Variants in PTPRT observed in about 807,000 individuals in gnomAD.
PTPRT encodes the protein receptor-type tyrosine-protein phosphatase T.
PTPRT carries 56 observed loss-of-function variants against 176.8 expected under a neutral mutation model. The ratio of observed to expected loss-of-function variants is 0.32; its 90% confidence interval spans 0.26 to 0.40. The LOEUF is 0.40. PTPRT is among the 10% of genes least tolerant of loss of function. The probability of loss-of-function intolerance (pLI) is 1.00; values close to 1 mark genes in which losing one functional copy is unlikely to be tolerated. For synonymous variants in PTPRT, 783 were observed against 739.0 expected, an observed-to-expected ratio of 1.06 and a Z score of -0.96; for missense variants, 1,540 against 1,908.2, an observed-to-expected ratio of 0.81 and a Z score of 3.60.
intron 13 of PTPRT, among the ~76,000 whole-genome samples, chr20:42,274,730 GACTA>G (rs957793864): frequency 2.2e-4 from 33 of 152,144 alleles, no homozygotes; most frequent in Admixed American, 2.1e-3. Context: ...CAACCCTGAA[GACTA>G]ACTAATTTTT....
intron 7 of PTPRT, among the ~76,000 whole-genome samples, chr20:42,493,147 C>A (rs2071591313): frequency 6.6e-6 from 1 of 152,160 alleles, no homozygotes; most frequent in South Asian, 2.1e-4. Flanking sequence ...TTGCTGGTGT[C>A]ACATTTACCT....
chr20:42,809,661 G>A (rs562655445), intron 2 of PTPRT, among the ~76,000 whole-genome samples: 188 of 152,260 alleles, frequency 1.2e-3, no homozygotes, highest in Non-Finnish European at 2.2e-3. Context: ...CTTGCAGCCC[G>A]TGGTGGTGTC....
intron 1 of PTPRT, among the ~76,000 whole-genome samples, chr20:43,086,803 G>A (rs183502140): frequency 6.6e-6 from 1 of 152,178 alleles, no homozygotes; most frequent in Admixed American, 6.5e-5. Context: ...CCGGGGGCTG[G>A]GAGGGAAGAA....
chr20:42,463,743 T>C (rs1189028383), intron 8 of PTPRT, among the ~76,000 whole-genome samples: 3 of 152,156 alleles, frequency 2.0e-5, no homozygotes, highest in Non-Finnish European at 4.4e-5. Context: ...CAACAGGAGT[T>C]TCCCTTGATA....
chr20:43,084,472 T>C (rs1418824007), intron 1 of PTPRT, among the ~76,000 whole-genome samples: 1 of 152,130 alleles, frequency 6.6e-6, no homozygotes, highest in Non-Finnish European at 1.5e-5. Flanking sequence ...CCAAACACTT[T>C]TAAAGCATCA....
At chr20:42,162,605 C>T (rs916456902) in intron 16 of PTPRT, among the ~76,000 whole-genome samples, 5 of 152,184 alleles carry the variant, frequency 3.3e-5, no homozygotes, top group African/African-American at 1.2e-4. Context: ...ATGCCCCAGA[C>T]CATCTTGTTT....
downstream of PTPRT, among the ~76,000 whole-genome samples, chr20:42,067,891 A>G (rs186054355): frequency 2.0e-3 from 305 of 152,244 alleles, 1 homozygote; most frequent in African/African-American, 7.1e-3. Flanking sequence ...ACCTTAAACG[A>G]AATTTTTTTT....
chr20:42,592,611 A>G (rs1457593211), intron 7 of PTPRT, among the ~76,000 whole-genome samples: 2 of 152,190 alleles, frequency 1.3e-5, no homozygotes, highest in Non-Finnish European at 2.9e-5. Flanking sequence ...AGAACAAGGT[A>G]GAGAAAAAAA....
chr20:42,213,033 T>C (rs978740794), intron 15 of PTPRT, among the ~76,000 whole-genome samples: 3 of 152,168 alleles, frequency 2.0e-5, no homozygotes, highest in Non-Finnish European at 4.4e-5. Context: ...CAGGTGATTA[T>C]AGTGTGCCAC....
rs75702253 is a variant in PTPRT at position 42,469,125 on chromosome 20, A to G, written c.1450+3141T>C. On this transcript the variant is annotated intron_variant, in intron 8 of 30. Coordinates refer to ENST00000373187, the MANE Select transcript of PTPRT (RefSeq NM_007050.6). ...ATTCACCACAAATATAGTACCTTATAACATGCTGGGTATTAGTCCAATTTC... is the reference window on the plus strand; with the variant it reads ...ATTCACCACAAATATAGTACCTTATGACATGCTGGGTATTAGTCCAATTTC... 8.0e-3 allele frequency among the ~76,000 whole-genome samples: 1,221 copies of G among 152,168 alleles called. 11 individuals carry two copies. The highest frequency in any genetic ancestry group is 0.014 in the Middle Eastern group (4 of 294).
intron 15 of PTPRT, among the ~76,000 whole-genome samples, chr20:42,224,008 A>G (rs2055946599): frequency 1.3e-5 from 2 of 152,220 alleles, no homozygotes; most frequent in South Asian, 4.1e-4. Context: ...CCATTCTTCC[A>G]CTTAAAAAAC....
chr20:42,370,616 C>A (rs2058574815), intron 9 of PTPRT, among the ~76,000 whole-genome samples: 1 of 152,160 alleles, frequency 6.6e-6, no homozygotes, highest in Non-Finnish European at 1.5e-5. Context: ...TAAATGGAGA[C>A]AATGATGTCC....
Position 42,383,717 on chromosome 20 carries a change from CA to C in PTPRT, c.1561-31433del, listed in dbSNP as rs1408561238. 2.6e-5 allele frequency among the ~76,000 whole-genome samples: 4 copies of C among 152,216 alleles called. No homozygotes were observed. The East Asian group carries it at 5.8e-4, about 22-fold the overall frequency. On this transcript the variant is annotated intron_variant, in intron 9 of 30. Coordinates refer to ENST00000373187, the MANE Select transcript of PTPRT (RefSeq NM_007050.6). ...AATACCACTATATCATGTGTAGGGC[CA>C]AGGCTTACCCTGCTGTCAGAGCCCA...
At chr20:42,775,376 A>T (rs1212384769) in intron 4 of PTPRT, among the ~76,000 whole-genome samples, 1 of 152,198 alleles carries the variant, frequency 6.6e-6, no homozygotes, top group Non-Finnish European at 1.5e-5. Context: ...GGGCTCGGGG[A>T]CACGGCCCCA....
chr20:43,028,546 A>C (rs1028906932), intron 1 of PTPRT, among the ~76,000 whole-genome samples: 4 of 152,088 alleles, frequency 2.6e-5, no homozygotes, highest in African/African-American at 9.7e-5. Context: ...AAAATGACAT[A>C]AGCACTTTGG....
At chr20:42,372,825 C>T (rs747377034) in intron 9 of PTPRT, among the ~76,000 whole-genome samples, 4 of 152,084 alleles carry the variant, frequency 2.6e-5, no homozygotes, top group Non-Finnish European at 5.9e-5. Flanking sequence ...TTGCCATCTA[C>T]GAGAAAGAGA....
chr20:42,429,219 C>T (rs2059193957), intron 9 of PTPRT, among the ~76,000 whole-genome samples: 1 of 152,080 alleles, frequency 6.6e-6, no homozygotes, highest in Non-Finnish European at 1.5e-5. Flanking sequence ...TAAGCACTCT[C>T]AGTGATACAT....
At chr20:42,832,196 T>C (rs2078101400) in intron 2 of PTPRT, among the ~76,000 whole-genome samples, 1 of 152,184 alleles carries the variant, frequency 6.6e-6, no homozygotes, top group South Asian at 2.1e-4. Context: ...GCCATAAAAA[T>C]GAATGAGATC....
At chr20:42,185,132 G>T (rs190767873) in intron 16 of PTPRT, among the ~76,000 whole-genome samples, 4 of 152,204 alleles carry the variant, frequency 2.6e-5, no homozygotes, top group African/African-American at 9.6e-5. Context: ...GTGTGGAAAA[G>T]CCAGGTATCC....
Sources: gnomAD v4.1 joint callset for allele counts (sites outside exome capture counted in the v4.1 genomes callset) on GRCh38, gnomAD v4.1.1 for gene constraint, MANE v1.5 for transcripts, NCBI Gene and HGNC (gene_info 2026-07-23, HGNC 2026-07-21) for gene names.